CELA2A: variants seen among roughly 807,000 people sequenced by gnomAD.
CELA2A encodes the protein chymotrypsin like elastase 2A.
A neutral mutation model predicts 35.3 loss-of-function variants in CELA2A; 31 were observed. That is an observed-to-expected ratio of 0.88 (90% confidence interval 0.66 to 1.19). The LOEUF (loss-of-function observed/expected upper bound fraction) is 1.19, where lower values mean the gene tolerates loss of function less well. Ranked by LOEUF, CELA2A falls within the 50% of genes most tolerant of loss-of-function variation. The probability of loss-of-function intolerance (pLI) is 0.00; values close to 1 mark genes in which losing one functional copy is unlikely to be tolerated. For missense variants in CELA2A, 330 were observed against 352.9 expected (o/e 0.94, Z 0.52); for synonymous variants, 150 against 149.8 (o/e 1.00, Z -0.01).
chr1:15,465,802 G>A (rs1322620709), intron 5 of CELA2A, 197 bp from the exon 6 acceptor site: 1 of 618,674 alleles, frequency 1.6e-6, no homozygotes, highest in East Asian at 2.6e-5. Context: ...CCCAGGGGAG[G>A]GAGCTCATTG....
intron 7 of CELA2A, among the ~76,000 whole-genome samples, chr1:15,469,321 G>A (rs187012368): frequency 6.6e-6 from 1 of 152,320 alleles, no homozygotes; most frequent in East Asian, 1.9e-4. Flanking sequence ...TCTGTAAAAT[G>A]GGACTTGAAC....
At chr1:15,462,927 G>T (rs1290415449) in intron 4 of CELA2A, 66 bp downstream of exon 4, 1 of 1,607,738 alleles carries the variant, frequency 6.2e-7, no homozygotes, top group East Asian at 2.2e-5. Context: ...TCTCACAGAG[G>T]CAAGGGTCTC....
intron 7 of CELA2A, among the ~76,000 whole-genome samples, chr1:15,470,516 G>A (rs1334705177): frequency 6.6e-6 from 1 of 152,074 alleles, no homozygotes; most frequent in Non-Finnish European, 1.5e-5. Flanking sequence ...AGAGTATCAG[G>A]TAAAAAAGTA....
At position 15,466,243 on chromosome 1, in the gene CELA2A, G is replaced by A; in HGVS notation, c.639+99G>A. ...CCATAGGTCCATCCTCCCACCTCCT[G>A]GCAGAATTACCCCGAAACATGTTCC... On this transcript the variant is annotated intron_variant, in intron 6 of 7. Transcript: ENST00000359621. The A allele has an allele frequency of 9.5e-6, 13 of 1,374,516 alleles. 1 individual carries two copies. In the South Asian group the frequency reaches 1.7e-4, roughly 18 times the overall value. The allele number at this position is 1,374,516 out of a possible 1,614,324, so 85.1% of individuals were successfully genotyped here. A position where few individuals can be genotyped will look rare whatever the true frequency, so the allele number is the denominator to read the frequency against.
chr1:15,463,118 A>C, intron 4 of CELA2A: 1 of 712,680 alleles, frequency 1.4e-6, no homozygotes, highest in Non-Finnish European at 2.3e-6. Context: ...CTGTCCGCTG[A>C]GCATGTATCT....
intron 5 of CELA2A, among the ~76,000 whole-genome samples, chr1:15,465,045 T>A (rs1198820086): frequency 7.5e-6 from 1 of 133,080 alleles, no homozygotes; most frequent in East Asian, 2.3e-4. Flanking sequence ...AGAATCTTAC[T>A]CTGTTACCCT....
In CELA2A at chr1:15,462,739, C is replaced by A; in HGVS notation, c.234C>A (p.Ser78=). The A allele has an allele frequency of 3.7e-6, 6 of 1,614,034 alleles. No homozygotes were observed. The highest frequency in any genetic ancestry group is 5.1e-6 in the Non-Finnish European group (6 of 1,179,978). Residue 78 remains serine, a synonymous_variant, in exon 4 of 8, where the codon TCC becomes TCA. Coordinates refer to ENST00000359621, the MANE Select transcript of CELA2A (RefSeq NM_033440.3). ...VLTAAHCISS[S]RTYRVGLGRH... ...TGGGCCCCCTTTCTCCCAGCTCCTC[C>A]AGGACCTACCGCGTGGGGCTGGGCC...
At chr1:15,471,021 A>G (rs1027091533) in intron 7 of CELA2A, among the ~76,000 whole-genome samples, 1 of 152,214 alleles carries the variant, frequency 6.6e-6, no homozygotes, top group African/African-American at 2.4e-5. Flanking sequence ...TTTTCACTTA[A>G]CACCTTATCA....
At chr1:15,471,590 A>G (rs2103307527) in intron 7 of CELA2A, among the ~76,000 whole-genome samples, 1 of 152,196 alleles carries the variant, frequency 6.6e-6, no homozygotes, top group South Asian at 2.1e-4. Flanking sequence ...CGTTTAACAG[A>G]CACTGATCAA....
intron 2 of CELA2A, among the ~76,000 whole-genome samples, chr1:15,459,162 ATTTTTT>A (rs34895778): frequency 7.3e-6 from 1 of 137,150 alleles, no homozygotes; most frequent in Admixed American, 7.3e-5. Context: ...ACCCATAGTA[ATTTTTT>A]TTTTTTTTTG....
chr1:15,467,414 A>T lies in CELA2A; in HGVS notation c.668A>T (p.Gln223Leu). ...GACTCTGGCGGGCCACTGAACTGTCAGGCGTCTGACGGCCGGTGGCAGGTG... is the reference window on the plus strand; with the variant it reads ...GACTCTGGCGGGCCACTGAACTGTCTGGCGTCTGACGGCCGGTGGCAGGTG... ...NGDSGGPLNCQASDGRWQVHG... is the reference protein window; with the variant it reads ...NGDSGGPLNCLASDGRWQVHG... The change falls in exon 7 of 8, where the codon CAG becomes CTG. Residue 223 changes from glutamine (Q) to leucine (L), a missense_variant. Coordinates refer to ENST00000359621, the MANE Select transcript of CELA2A (RefSeq NM_033440.3). 6.2e-7 allele frequency: 1 copy of T among 1,613,806 alleles called. No homozygotes were observed. The highest frequency in any genetic ancestry group is 1.3e-5 in the African/African-American group (1 of 75,064).
chr1:15,466,968 C>T (rs1708525782), intron 6 of CELA2A, among the ~76,000 whole-genome samples: 1 of 152,106 alleles, frequency 6.6e-6, no homozygotes, highest in Non-Finnish European at 1.5e-5. Context: ...ACACTCTGCC[C>T]ACATAGACCA....
intron 6 of CELA2A, among the ~76,000 whole-genome samples, chr1:15,466,983 C>CG (rs1708526132): frequency 6.6e-6 from 1 of 152,182 alleles, no homozygotes; most frequent in South Asian, 2.1e-4. Flanking sequence ...AGACCACCCG[C>CG]GGGAAGACGG....
At chr1:15,471,125 AT>A (rs1426101423) in intron 7 of CELA2A, among the ~76,000 whole-genome samples, 1 of 152,020 alleles carries the variant, frequency 6.6e-6, no homozygotes, top group East Asian at 1.9e-4. Context: ...CATGTTTCCT[AT>A]TTTTCACTCT....
At chr1:15,465,887 G>T (rs1402040421) in intron 5 of CELA2A, 112 bp from the exon 6 acceptor site, 4 of 1,280,222 alleles carry the variant, frequency 3.1e-6, no homozygotes, top group African/African-American at 2.9e-5. Flanking sequence ...GTGGCTGTTC[G>T]CATGTTGCAA....
chr1:15,470,313 C>G (rs10927791), intron 7 of CELA2A, among the ~76,000 whole-genome samples: 1 of 151,912 alleles, frequency 6.6e-6, no homozygotes, highest in African/African-American at 2.4e-5. Flanking sequence ...TAAACCCAGA[C>G]AGGTGATGAG....
rs1458391884 is a variant in CELA2A, at chr1:15,463,509, G to A, written c.480G>A (p.Trp160Ter). The change falls in exon 5 of 8, where the codon TGG becomes TGA. Residue 160 changes from tryptophan (W) to a stop codon, truncating the protein, a stop_gained. Coordinates refer to ENST00000359621, the MANE Select transcript of CELA2A (RefSeq NM_033440.3). LOFTEE classifies it high-confidence loss of function. ...PNNYPCYVTG[W>*]GRLQTNGAVP... Reference sequence around the variant, plus strand: ...ACTACCCCTGCTACGTCACGGGCTGGGGAAGGCTGCAGAGTAAGTGGGAGC... The same window carrying A: ...ACTACCCCTGCTACGTCACGGGCTGAGGAAGGCTGCAGAGTAAGTGGGAGC... 3.1e-6 allele frequency: 5 copies of A among 1,613,648 alleles called. No homozygotes were observed. Among genetic ancestry groups the A allele is most frequent in the Non-Finnish European group, 4.2e-6 (5 of 1,179,788 alleles).
At chr1:15,460,922 AT>A (rs1708424969) in intron 2 of CELA2A, among the ~76,000 whole-genome samples, 2 of 152,178 alleles carry the variant, frequency 1.3e-5, no homozygotes, top group African/African-American at 4.8e-5. Context: ...AGACTGGGTA[AT>A]TTATAAAGGA....
chr1:15,463,575 G>T, intron 5 of CELA2A, 53 bp downstream of exon 5: 1 of 1,611,544 alleles, frequency 6.2e-7, no homozygotes, highest in Non-Finnish European at 8.5e-7. Context: ...GGTGATTCAC[G>T]TCACCCCTGT....
Sources: gnomAD v4.1 joint callset for allele counts (sites outside exome capture counted in the v4.1 genomes callset) on GRCh38, gnomAD v4.1.1 for gene constraint, MANE v1.5 for transcripts, NCBI Gene and HGNC (gene_info 2026-07-23, HGNC 2026-07-21) for gene names.